FLRT1: variants seen among roughly 807,000 people sequenced by gnomAD.
FLRT1 encodes the protein fibronectin leucine rich transmembrane protein 1.
Under a neutral mutation model 30.9 loss-of-function variants are expected in FLRT1, and 14 were observed. The observed-to-expected ratio is 0.45, with a 90% CI of 0.30 to 0.71. The LOEUF is 0.71. Among genes scored for constraint, FLRT1 ranks in the 30% least tolerant of loss-of-function variants. The pLI is 0.08. For synonymous variants in FLRT1, 368 were observed against 430.4 expected (o/e 0.85, Z 1.80); for missense variants, 737 against 949.2 (o/e 0.78, Z 2.94).
intron 1 of FLRT1, among the ~76,000 whole-genome samples, chr11:64,079,676 A>C (rs989243715): frequency 6.6e-6 from 1 of 152,048 alleles, no homozygotes; most frequent in Non-Finnish European, 1.5e-5. Flanking sequence ...AGACCCCTGG[A>C]GGAGGTGTGG....
intron 1 of FLRT1, among the ~76,000 whole-genome samples, chr11:64,100,551 T>A (rs1944653700): frequency 6.6e-6 from 1 of 152,174 alleles, no homozygotes; most frequent in Non-Finnish European, 1.5e-5. Flanking sequence ...GGGTGGCCAC[T>A]GGGGGTGCTG....
intron 2 of FLRT1, among the ~76,000 whole-genome samples, chr11:64,115,496 A>C (rs1372770627): frequency 2.0e-5 from 3 of 152,086 alleles, no homozygotes; most frequent in Non-Finnish European, 4.4e-5. Flanking sequence ...ATGAAAAGAG[A>C]TTTCTGTAAA....
chr11:64,042,163 C>T (rs1294839318), intron 1 of FLRT1, among the ~76,000 whole-genome samples: 2 of 152,172 alleles, frequency 1.3e-5, no homozygotes, highest in African/African-American at 2.4e-5. Flanking sequence ...GGTGGGCACA[C>T]ATGCACCTTC....
intron 1 of FLRT1, among the ~76,000 whole-genome samples, chr11:64,095,398 C>T (rs758709905): frequency 9.9e-5 from 15 of 152,122 alleles, no homozygotes; most frequent in Admixed American, 8.5e-4. Flanking sequence ...GCATTGCTCT[C>T]GGCCAGAGAG....
At chr11:64,073,968 C>T (rs987039959) in intron 1 of FLRT1, among the ~76,000 whole-genome samples, 4 of 152,154 alleles carry the variant, frequency 2.6e-5, no homozygotes, top group African/African-American at 9.7e-5. Context: ...CCCCAGGGTG[C>T]TTTGGAGGCC....
rs964186033 is a variant in FLRT1, at chr11:64,078,958, G to A, written c.-1037-24236G>A. Among the ~76,000 whole-genome samples the A allele has an allele frequency of 7.9e-5, 12 of 152,306 alleles. No homozygotes were observed. The South Asian group carries it at 2.5e-3, about 32-fold the overall frequency. ...GCGGTTAAGGGTGGTGAATGGCGGA[G>A]ACAGAGGTCTGTAGACTCCGACAAG... On this transcript the variant is annotated intron_variant, in intron 1 of 2. Coordinates refer to ENST00000682287, the MANE Select transcript of FLRT1 (RefSeq NM_013280.5).
chr11:64,070,897 G>C (rs1347678695), intron 1 of FLRT1, among the ~76,000 whole-genome samples: 2 of 152,132 alleles, frequency 1.3e-5, no homozygotes, highest in African/African-American at 4.8e-5. Context: ...GACACTTGGG[G>C]AAGGGGTACC....
At chr11:64,102,349 G>A (rs666497) in intron 1 of FLRT1, among the ~76,000 whole-genome samples, 7 of 151,926 alleles carry the variant, frequency 4.6e-5, no homozygotes, top group African/African-American at 1.2e-4. Flanking sequence ...GGGCGGCTGC[G>A]GGTGTTGAGG....
chr11:64,058,405 G>C (rs531679025), intron 1 of FLRT1, among the ~76,000 whole-genome samples: 4 of 144,950 alleles, frequency 2.8e-5, no homozygotes, highest in African/African-American at 5.7e-5. Context: ...GGAGGGCTTG[G>C]GGGGGGGTCC....
chr11:64,111,883 C>A (rs950975135), intron 2 of FLRT1, among the ~76,000 whole-genome samples: 1 of 152,300 alleles, frequency 6.6e-6, no homozygotes, highest in Admixed American at 6.5e-5. Flanking sequence ...AGGAGGCTCA[C>A]AGGAGAGTGG....
chr11:64,060,050 C>T (rs985501880), intron 1 of FLRT1, among the ~76,000 whole-genome samples: 1 of 152,242 alleles, frequency 6.6e-6, no homozygotes, highest in Non-Finnish European at 1.5e-5. Context: ...TGGCGAACAA[C>T]TCCCTAAGGG....
intron 1 of FLRT1, among the ~76,000 whole-genome samples, chr11:64,066,490 G>A (rs1844817261): frequency 6.6e-6 from 1 of 151,442 alleles, no homozygotes; most frequent in Admixed American, 6.6e-5. Context: ...GTGGTGGCAT[G>A]CGCCTGTAGT....
intron 1 of FLRT1, among the ~76,000 whole-genome samples, chr11:64,098,217 T>G (rs1328097846): frequency 1.3e-5 from 2 of 152,144 alleles, no homozygotes; most frequent in African/African-American, 4.8e-5. Context: ...CCCCTGCCCT[T>G]GTACAAAGAC....
chr11:64,100,051 C>T (rs2845887), intron 1 of FLRT1, among the ~76,000 whole-genome samples: 49,985 of 151,866 alleles, frequency 0.33, 8,811 homozygotes, highest in East Asian at 0.66. Flanking sequence ...GAGTTTGAGG[C>T]CCTGACACTG....
intron 1 of FLRT1, among the ~76,000 whole-genome samples, chr11:64,098,237 C>A (rs1344484786): frequency 6.6e-6 from 1 of 152,220 alleles, no homozygotes. Flanking sequence ...CCAGGCCCCT[C>A]AGTGCAGCAT....
At chr11:64,043,063 C>T (rs1943518502) in intron 1 of FLRT1, among the ~76,000 whole-genome samples, 1 of 152,202 alleles carries the variant, frequency 6.6e-6, no homozygotes, top group Admixed American at 6.5e-5. Flanking sequence ...ACCTTTGTTA[C>T]TTATCATCTG....
chr11:64,089,151 C>T (rs774228212), intron 1 of FLRT1, among the ~76,000 whole-genome samples: 13 of 152,180 alleles, frequency 8.5e-5, no homozygotes, highest in Non-Finnish European at 1.8e-4. Flanking sequence ...TGACCAGCAG[C>T]CTTCCAGGCA....
chr11:64,077,951 C>A (rs1206350144), intron 1 of FLRT1, among the ~76,000 whole-genome samples: 1 of 152,212 alleles, frequency 6.6e-6, no homozygotes, highest in Non-Finnish European at 1.5e-5. Flanking sequence ...CCCTGATGGG[C>A]CCGTGCTCAG....
intron 1 of FLRT1, among the ~76,000 whole-genome samples, chr11:64,058,919 G>A (rs1235889096): frequency 6.6e-6 from 1 of 152,158 alleles, no homozygotes; most frequent in South Asian, 2.1e-4. Flanking sequence ...CTGGAGGTGG[G>A]GGTGAGTGAC....
Sources: gnomAD v4.1 joint callset for allele counts (sites outside exome capture counted in the v4.1 genomes callset) on GRCh38, gnomAD v4.1.1 for gene constraint, MANE v1.5 for transcripts, NCBI Gene and HGNC (gene_info 2026-07-23, HGNC 2026-07-21) for gene names.